Variants in BMS1 observed in about 807,000 individuals in gnomAD.
The protein encoded by BMS1 is ribosome biogenesis protein BMS1 homolog.
A neutral mutation model predicts 138.7 loss-of-function variants in BMS1; 53 were observed. That is an observed-to-expected ratio of 0.38 (90% CI 0.31 to 0.48). The LOEUF (loss-of-function observed/expected upper bound fraction) is 0.48, where lower values mean the gene tolerates loss of function less well. Among genes scored for constraint, BMS1 ranks in the 20% least tolerant of loss-of-function variants. BMS1 has a pLI of 0.97. For synonymous variants in BMS1, 504 were observed against 539.9 expected, an observed-to-expected ratio of 0.93 and a Z score of 0.92; for missense variants, 1,360 against 1,565.5, an observed-to-expected ratio of 0.87 and a Z score of 2.22.
At chr10:42,790,670 C>T (rs1185043337) in intron 5 of BMS1, among the ~76,000 whole-genome samples, 159 bp downstream of exon 5, 1 of 152,034 alleles carries the variant, frequency 6.6e-6, no homozygotes, top group Admixed American at 6.6e-5. Flanking sequence ...GGCAACATGA[C>T]CAAACCCCAT....
chr10:42,815,143 CTG>C (rs1842308081), intron 13 of BMS1, among the ~76,000 whole-genome samples: 1 of 152,166 alleles, frequency 6.6e-6, no homozygotes, highest in Non-Finnish European at 1.5e-5. Flanking sequence ...CAGGTTGTAA[CTG>C]TGCTAAAGGG....
In BMS1 at chr10:42,797,263, A is replaced by G. The variant is rs180806348; in HGVS notation, c.1987+32A>G. 157 of 1,585,294 alleles carry G rather than the reference A, an allele frequency of 9.9e-5. No homozygotes were observed. The African/African-American group carries it at 1.9e-3, about 19-fold the overall frequency. ...TTAAATGTAGTTGGTTGCTGCTATG[A>G]ACTTGGCTCTCGAAATGGTAACCAA... is the stretch of plus-strand genomic sequence containing the variant. On this transcript the variant is annotated intron_variant, in intron 10 of 22. Coordinates refer to ENST00000374518, the MANE Select transcript of BMS1 (RefSeq NM_014753.4).
rs184669749 is a variant in BMS1 at position 42,833,249 on chromosome 10, G to C, written c.*2153G>C. On this transcript the variant is annotated 3_prime_UTR_variant, in exon 23 of 23. Coordinates refer to ENST00000374518, the MANE Select transcript of BMS1 (RefSeq NM_014753.4). ...GGGAAATAAAAAGTTTGCATATTAAGATTATTTAAACTAAAGTTAAGGAAT... is the reference window on the plus strand; with the variant it reads ...GGGAAATAAAAAGTTTGCATATTAACATTATTTAAACTAAAGTTAAGGAAT... The C allele has an allele frequency of 1.3e-5, 2 of 152,236 alleles. No individual in the cohort carries two copies. Among genetic ancestry groups the C allele is most frequent in the African/African-American group, 4.8e-5 (2 of 41,552 alleles). The allele number at this position is 152,236 out of a possible 1,614,324, so 9.4% of individuals were successfully genotyped here.
At chr10:42,794,394 T>C (rs982768730) in intron 9 of BMS1, among the ~76,000 whole-genome samples, 1 of 152,120 alleles carries the variant, frequency 6.6e-6, no homozygotes, top group African/African-American at 2.4e-5. Context: ...TTATCTCCTC[T>C]GGGTAGGTTT....
rs189363794 is a variant in BMS1, at chr10:42,784,548, C to T, written c.154C>T (p.Arg52Trp). 452 of 1,612,910 alleles carry T rather than the reference C, an allele frequency of 2.8e-4. No individual in the cohort carries two copies. The highest frequency in any genetic ancestry group is 3.6e-4 in the Non-Finnish European group (425 of 1,179,546). The change falls in exon 2 of 23, where the codon CGG becomes TGG. Residue 52 changes from arginine to tryptophan, a missense_variant. This residue lies in a region of BMS1 where 238 missense variants were observed against 311.1 expected (regional missense o/e 0.77). Coordinates refer to ENST00000374518, the MANE Select transcript of BMS1 (RefSeq NM_014753.4). ...PKAFAVQSAV[R>W]MARSFHRTQD... Reference sequence around the variant, plus strand: ...AGCTTTTGCAGTTCAGTCTGCTGTGCGGATGGCTCGATCCTTTCACAGGTA... The same window carrying T: ...AGCTTTTGCAGTTCAGTCTGCTGTGTGGATGGCTCGATCCTTTCACAGGTA...
intron 13 of BMS1, among the ~76,000 whole-genome samples, chr10:42,811,965 G>T (rs1190225895): frequency 1.3e-5 from 2 of 152,140 alleles, no homozygotes; most frequent in African/African-American, 2.4e-5. Flanking sequence ...ATTATATTAT[G>T]TTCTGAGAAC....
intron 15 of BMS1, among the ~76,000 whole-genome samples, chr10:42,818,108 G>T (rs564573153): frequency 2.9e-4 from 44 of 152,316 alleles, no homozygotes; most frequent in African/African-American, 1.0e-3. Flanking sequence ...CATCTGAGTT[G>T]CGTCTTGTTA....
chr10:42,805,822 C>G (rs1372169293), intron 13 of BMS1, among the ~76,000 whole-genome samples: 1 of 152,020 alleles, frequency 6.6e-6, no homozygotes, highest in East Asian at 1.9e-4. Context: ...GTTTTTGAGA[C>G]AGAGTCTCGC....
chr10:42,792,429 A>T, intron 6 of BMS1, 64 bp from the exon 7 acceptor site: 1 of 1,579,710 alleles, frequency 6.3e-7, no homozygotes, highest in Non-Finnish European at 8.6e-7. Flanking sequence ...AATCATTGAC[A>T]CATGAAAGGA....
rs1465445898 is a variant in BMS1 at position 42,833,696 on chromosome 10, A to G, written c.*2600A>G. 1 of 152,252 alleles carries G rather than the reference A, an allele frequency of 6.6e-6. No individual in the cohort carries two copies. The highest frequency in any genetic ancestry group is 1.5e-5 in the Non-Finnish European group (1 of 68,040). 9.4% of individuals were successfully genotyped at this position (152,252 alleles called of 1,614,324 possible). ...GCGGCATGTGGCTGTATGTATACAC[A>G]TAGTTTTTGCTGTGAGTTTGCATCC... On this transcript the variant is annotated 3_prime_UTR_variant, in exon 23 of 23. Transcript: ENST00000374518.
At chr10:42,808,460 G>T (rs551017200) in intron 13 of BMS1, among the ~76,000 whole-genome samples, 1 of 151,318 alleles carries the variant, frequency 6.6e-6, no homozygotes, top group Non-Finnish European at 1.5e-5. Context: ...CACCACATCC[G>T]GCTAATTTTT....
intron 4 of BMS1, among the ~76,000 whole-genome samples, chr10:42,788,023 G>GT (rs1564408169): frequency 6.9e-6 from 1 of 144,554 alleles, no homozygotes. Context: ...TTTTTATTTA[G>GT]TTTTTTCTAG....
intron 9 of BMS1, among the ~76,000 whole-genome samples, chr10:42,795,756 C>G (rs1472053992): frequency 6.6e-6 from 1 of 152,140 alleles, no homozygotes; most frequent in African/African-American, 2.4e-5. Context: ...GTGATTTTAG[C>G]TTCCTGATGA....
chr10:42,793,436 T>C (rs139769633), intron 8 of BMS1, among the ~76,000 whole-genome samples: 37 of 152,236 alleles, frequency 2.4e-4, no homozygotes, highest in Non-Finnish European at 5.0e-4. Context: ...ACAAAATCAG[T>C]GTGCTTTCCA....
chr10:42,802,024 A>G (rs1841888752), intron 12 of BMS1, 113 bp from the exon 13 acceptor site: 1 of 712,992 alleles, frequency 1.4e-6, no homozygotes, highest in Non-Finnish European at 2.4e-6. Context: ...GAATGAGAAT[A>G]TCCATGAAAG....
rs1190634234 is a variant in BMS1, at chr10:42,823,133, G to T, written c.3148G>T (p.Ala1050Ser). 8 of 1,597,792 alleles carry T rather than the reference G, an allele frequency of 5.0e-6. No individual in the cohort carries two copies. In the East Asian group the frequency reaches 1.4e-4, roughly 27 times the overall value. ...ATACCTGTAGGGAATGTTTAATTCT[G>T]CCTTGGAAGTGGCCAAATTTGAAGG... ...TSFIKGMFNS[A>S]LEVAKFEGAV... Residue 1050 changes from alanine (A) to serine (S), a missense_variant, in exon 20 of 23, where the codon GCC (alanine) becomes TCC (serine). Physicochemically the swap from Ala to Ser is moderately conservative, Grantham distance 99. This residue lies in a region of BMS1 where 425 missense variants were observed against 568.3 expected (regional missense o/e 0.75). Transcript: ENST00000374518.
At chr10:42,798,775 A>G in intron 12 of BMS1, 150 bp downstream of exon 12, 1 of 1,094,786 alleles carries the variant, frequency 9.1e-7, no homozygotes, top group Non-Finnish European at 1.3e-6. Flanking sequence ...TGGGCGCTTC[A>G]TGCATCCTAA....
rs1011013179 is a variant in BMS1 at position 42,797,161 on chromosome 10, T to G, written c.1917T>G (p.Ser639Arg). 1 of 1,613,388 alleles carries G rather than the reference T, an allele frequency of 6.2e-7. No homozygotes were observed. The highest frequency in any genetic ancestry group is 1.7e-5 in the Admixed American group (1 of 59,892). ...CACAGAACTTCATTGATGAGACCAG[T>G]GATATAGAAAATTTACTCAAAGAGG... is the stretch of plus-strand genomic sequence containing the variant. ...LGPQNFIDET[S>R]DIENLLKEEE... Residue 639 changes from serine to arginine, a missense_variant, in exon 10 of 23, where the codon AGT (serine) becomes AGG (arginine). Physicochemically the swap from Ser to Arg is moderately radical, Grantham distance 110 (BLOSUM62 -1). Transcript: ENST00000374518.
intron 2 of BMS1, among the ~76,000 whole-genome samples, chr10:42,784,984 T>C (rs1564406164): frequency 6.6e-6 from 1 of 152,212 alleles, no homozygotes; most frequent in Non-Finnish European, 1.5e-5. Flanking sequence ...TTCAACTAAA[T>C]CCTTCCAGCA....
Sources: gnomAD v4.1 joint callset for allele counts (sites outside exome capture counted in the v4.1 genomes callset) on GRCh38, gnomAD v4.1.1 for gene constraint, gnomAD v4.1.1 regional missense constraint, MANE v1.5 for transcripts, NCBI Gene and HGNC (gene_info 2026-07-23, HGNC 2026-07-21) for gene names.